Variants in TMEM117 observed in about 807,000 individuals in gnomAD.
TMEM117 encodes the protein transmembrane protein 117.
TMEM117 carries 27 observed loss-of-function variants against 52.4 expected under a neutral mutation model. The ratio of observed to expected loss-of-function variants is 0.51; its 90% CI spans 0.38 to 0.71. TMEM117 has a LOEUF of 0.71. Among genes scored for constraint, TMEM117 ranks in the 30% least tolerant of loss-of-function variants. The probability of loss-of-function intolerance (pLI) is 0.00; values close to 1 mark genes in which losing one functional copy is unlikely to be tolerated. For missense variants in TMEM117, 556 were observed against 630.5 expected (o/e 0.88, Z 1.26); for synonymous variants, 215 against 206.3 (o/e 1.04, Z -0.36).
At chr12:43,946,423 G>T (rs1411389131) in intron 3 of TMEM117, among the ~76,000 whole-genome samples, 1 of 133,478 alleles carries the variant, frequency 7.5e-6, no homozygotes, top group Non-Finnish European at 1.5e-5. Context: ...AGCTAATGAG[G>T]TCTGTGCTAA....
At chr12:44,122,526 A>G (rs541105601) in intron 3 of TMEM117, among the ~76,000 whole-genome samples, 27 of 152,232 alleles carry the variant, frequency 1.8e-4, no homozygotes, top group Non-Finnish European at 3.7e-4. Flanking sequence ...TAGGCCCAGC[A>G]TCCATTAGCT....
intron 3 of TMEM117, among the ~76,000 whole-genome samples, chr12:43,970,237 A>G (rs182338726): frequency 3.3e-5 from 5 of 152,232 alleles, no homozygotes; most frequent in Admixed American, 1.3e-4. Flanking sequence ...AGTGTGCAAG[A>G]GTAATGATGG....
downstream of TMEM117, among the ~76,000 whole-genome samples, chr12:44,392,763 A>C (rs997808057): frequency 3.6e-4 from 53 of 148,642 alleles, no homozygotes; most frequent in African/African-American, 1.3e-3. Flanking sequence ...TATGAGTGAG[A>C]ACATGCGGCT....
chr12:43,886,683 G>A (rs1944000276), intron 2 of TMEM117, among the ~76,000 whole-genome samples: 1 of 152,040 alleles, frequency 6.6e-6, no homozygotes, highest in Non-Finnish European at 1.5e-5. Flanking sequence ...TTGCTACATA[G>A]GTAAATGTGT....
At chr12:44,281,378 T>A (rs1364957211) in intron 5 of TMEM117, among the ~76,000 whole-genome samples, 1 of 152,194 alleles carries the variant, frequency 6.6e-6, no homozygotes, top group East Asian at 1.9e-4. Context: ...TGGGGCGTTA[T>A]CAAAATATGT....
chr12:44,214,351 A>G (rs1949688925), intron 5 of TMEM117, among the ~76,000 whole-genome samples: 1 of 151,718 alleles, frequency 6.6e-6, no homozygotes, highest in African/African-American at 2.4e-5. Context: ...TATTTTTAGC[A>G]GAGACAGGGT....
intron 2 of TMEM117, among the ~76,000 whole-genome samples, chr12:43,930,080 T>G (rs1036954558): frequency 3.3e-5 from 5 of 152,168 alleles, no homozygotes; most frequent in Admixed American, 6.5e-5. Flanking sequence ...TTTCTTTGGT[T>G]TGATCTGTTT....
At chr12:44,180,396 AC>A (rs927645000) in intron 4 of TMEM117, among the ~76,000 whole-genome samples, 34 of 151,212 alleles carry the variant, frequency 2.2e-4, no homozygotes, top group Admixed American at 1.3e-4. Context: ...GTACATGTGC[AC>A]ATTGTGCAGG....
At chr12:44,181,079 T>C (rs1189753740) in intron 4 of TMEM117, among the ~76,000 whole-genome samples, 1 of 152,218 alleles carries the variant, frequency 6.6e-6, no homozygotes, top group Non-Finnish European at 1.5e-5. Flanking sequence ...ATTGTGGTTT[T>C]GATTTGCATT....
intron 2 of TMEM117, among the ~76,000 whole-genome samples, chr12:43,848,418 G>A (rs1943249140): frequency 6.6e-6 from 1 of 152,030 alleles, no homozygotes; most frequent in African/African-American, 2.4e-5. Context: ...CCCCAGAAAT[G>A]CATTCTTTTC....
chr12:44,264,385 A>G (rs1303407140), intron 5 of TMEM117, among the ~76,000 whole-genome samples: 1 of 152,146 alleles, frequency 6.6e-6, no homozygotes, highest in Non-Finnish European at 1.5e-5. Context: ...ATCCCCTATC[A>G]GCTATGCTAG....
chr12:43,984,187 G>T (rs1177400816), intron 3 of TMEM117, among the ~76,000 whole-genome samples: 2 of 152,116 alleles, frequency 1.3e-5, no homozygotes, highest in Non-Finnish European at 2.9e-5. Context: ...GGCCAACATG[G>T]TGAAACCCCG....
At chr12:43,874,993 A>C (rs1044476129) in intron 2 of TMEM117, among the ~76,000 whole-genome samples, 1 of 152,346 alleles carries the variant, frequency 6.6e-6, no homozygotes, top group Non-Finnish European at 1.5e-5. Flanking sequence ...ACATTTGATA[A>C]GTATTCTTAA....
chr12:44,298,972 A>G (rs1950802712), intron 5 of TMEM117, among the ~76,000 whole-genome samples: 1 of 150,596 alleles, frequency 6.6e-6, no homozygotes, highest in African/African-American at 2.5e-5. Flanking sequence ...TTGGTAAACA[A>G]TGTACAGGTT....
Position 43,936,268 on chromosome 12 carries a change from C to T in TMEM117, c.278-7942C>T, listed in dbSNP as rs561016615. ...TGAGAGAAGAGTTTGGATGTAAGGACATAAAATGATAGGACAATTGATTGA... is the reference window on the plus strand; with the variant it reads ...TGAGAGAAGAGTTTGGATGTAAGGATATAAAATGATAGGACAATTGATTGA... On this transcript the variant is annotated intron_variant, in intron 2 of 7. Transcript: ENST00000266534. 2.6e-5 allele frequency among the ~76,000 whole-genome samples: 4 copies of T among 152,164 alleles called. No homozygotes were observed. The South Asian group carries it at 8.3e-4, about 32-fold the overall frequency.
In TMEM117 at chr12:43,912,507, TTATATATATA is replaced by T. The variant is rs56170922; in HGVS notation, c.278-31683_278-31674del. Among the ~76,000 whole-genome samples the T allele has an allele frequency of 1.4e-4, 19 of 132,100 alleles. 1 individual carries two copies. Among genetic ancestry groups the T allele is most frequent in the African/African-American group, 6.8e-4 (17 of 25,026 alleles). 86.7% of individuals were successfully genotyped at this position (132,100 alleles called of 152,430 possible). ...AAACTTAAAGTATAATAATAATAAT[TTATATATATA>T]TATATATATATATATATATGGCAGA... On this transcript the variant is annotated intron_variant, in intron 2 of 7. Coordinates refer to ENST00000266534, the MANE Select transcript of TMEM117 (RefSeq NM_032256.3).
intron 5 of TMEM117, among the ~76,000 whole-genome samples, chr12:44,270,238 G>C (rs1271868169): frequency 6.6e-6 from 1 of 152,022 alleles, no homozygotes; most frequent in East Asian, 1.9e-4. Flanking sequence ...ATCTCTCAAA[G>C]TATAATGCTC....
chr12:44,382,443 T>C lies in TMEM117; in HGVS notation c.899-5583T>C, dbSNP rs141056806. Reference sequence around the variant, plus strand: ...ATTTTATTTGAAATGCTAAAACTTCTCTTTTCGTATTTTTCTGGGCACATT... The same window carrying C: ...ATTTTATTTGAAATGCTAAAACTTCCCTTTTCGTATTTTTCTGGGCACATT... On this transcript the variant is annotated intron_variant, in intron 7 of 7. Transcript: ENST00000266534. 2.6e-5 allele frequency among the ~76,000 whole-genome samples: 4 copies of C among 152,350 alleles called. No homozygotes were observed. The East Asian group carries it at 7.7e-4, about 29-fold the overall frequency.
intron 4 of TMEM117, among the ~76,000 whole-genome samples, chr12:44,163,092 C>G (rs1384845330): frequency 6.6e-6 from 1 of 152,188 alleles, no homozygotes; most frequent in African/African-American, 2.4e-5. Context: ...AGCTAGAAAA[C>G]TTTAGAGATG....
Sources: gnomAD v4.1 joint callset for allele counts (sites outside exome capture counted in the v4.1 genomes callset) on GRCh38, gnomAD v4.1.1 for gene constraint, MANE v1.5 for transcripts, NCBI Gene and HGNC (gene_info 2026-07-23, HGNC 2026-07-21) for gene names.